Variants in SLC4A10 observed in about 807,000 individuals in gnomAD.
SLC4A10 encodes solute carrier family 4 member 10, also known as sodium-driven chloride bicarbonate exchanger.
Under a neutral mutation model 137.7 loss-of-function variants are expected in SLC4A10, and 42 were observed. The observed-to-expected ratio is 0.30, with a 90% CI of 0.24 to 0.39. The LOEUF (loss-of-function observed/expected upper bound fraction) is 0.39. Ranked by LOEUF, SLC4A10 falls within the 10% of genes least tolerant of loss-of-function variation. The pLI is 1.00. For missense variants in SLC4A10, 925 were observed against 1,355.0 expected (o/e 0.68, Z 4.98); for synonymous variants, 474 against 464.1 (o/e 1.02, Z -0.27).
At chr2:161,884,014 T>C (rs1307895049) in intron 10 of SLC4A10, among the ~76,000 whole-genome samples, 1 of 152,156 alleles carries the variant, frequency 6.6e-6, no homozygotes, top group East Asian at 1.9e-4. Flanking sequence ...CAATCCACTG[T>C]AATGAATAAC....
chr2:161,904,632 T>A (rs1370466343), intron 13 of SLC4A10, 144 bp from the exon 14 acceptor site: 2 of 910,852 alleles, frequency 2.2e-6, no homozygotes, highest in Non-Finnish European at 3.3e-6. Flanking sequence ...TTAGTCATCC[T>A]TCTACCCCAC....
chr2:161,710,802 A>G (rs949227457), intron 1 of SLC4A10: 5 of 441,608 alleles, frequency 1.1e-5, no homozygotes, highest in South Asian at 8.1e-5. Context: ...CAGTAAACAT[A>G]GTAAAGGCTG....
chr2:161,689,694 T>A (rs1259027702), intron 1 of SLC4A10, among the ~76,000 whole-genome samples: 2 of 152,208 alleles, frequency 1.3e-5, no homozygotes, highest in Non-Finnish European at 2.9e-5. Context: ...AAATAAGATC[T>A]TTCCAGATGT....
intron 1 of SLC4A10, among the ~76,000 whole-genome samples, chr2:161,716,314 G>T (rs2044870727): frequency 6.6e-6 from 1 of 151,900 alleles, no homozygotes. Flanking sequence ...CTTTTGCTGT[G>T]CAGAAGTTCT....
chr2:161,773,244 C>A (rs933420916), intron 2 of SLC4A10, among the ~76,000 whole-genome samples: 4 of 151,856 alleles, frequency 2.6e-5, no homozygotes, highest in South Asian at 2.1e-4. Context: ...CAGTCTCAAG[C>A]CTTTTGATAA....
chr2:161,919,420 T>TCACCCATGGC (rs1332232014), intron 15 of SLC4A10, among the ~76,000 whole-genome samples: 4 of 152,030 alleles, frequency 2.6e-5, no homozygotes, highest in African/African-American at 9.7e-5. Flanking sequence ...CTTTTGCTGC[T>TCACCCATGGC]CACCCATGGC....
intron 2 of SLC4A10, 77 bp downstream of exon 2, chr2:161,771,131 T>C (rs577456873): frequency 5.0e-5 from 53 of 1,062,314 alleles, no homozygotes; most frequent in Middle Eastern, 4.1e-4. Context: ...TTTGTCACAT[T>C]GTGAAGAATT....
chr2:161,655,989 T>G (rs913492277), intron 1 of SLC4A10, among the ~76,000 whole-genome samples: 2 of 151,860 alleles, frequency 1.3e-5, no homozygotes, highest in Admixed American at 6.6e-5. Context: ...AATTTTTGTA[T>G]TTTTAGTAGA....
intron 4 of SLC4A10, among the ~76,000 whole-genome samples, chr2:161,845,620 T>C (rs1369525330): frequency 2.0e-5 from 3 of 152,244 alleles, no homozygotes; most frequent in Admixed American, 6.5e-5. Flanking sequence ...TTTTTTAAAA[T>C]GTCATTTCAG....
intron 3 of SLC4A10, among the ~76,000 whole-genome samples, chr2:161,813,794 C>T (rs2056784849): frequency 6.6e-6 from 1 of 151,992 alleles, no homozygotes; most frequent in Non-Finnish European, 1.5e-5. Context: ...TTTATTTTTC[C>T]CTAACTGGAG....
At chr2:161,965,197 T>G in intron 23 of SLC4A10, 24 bp downstream of exon 23, 3 of 1,579,810 alleles carry the variant, frequency 1.9e-6, no homozygotes, top group Non-Finnish European at 2.6e-6. Context: ...CAATGTTTTA[T>G]AAAGAAAGAA....
In SLC4A10 at chr2:161,932,085, C is replaced by T. The variant is rs569023101; in HGVS notation, c.1998-10707C>T. Among the ~76,000 whole-genome samples the T allele has an allele frequency of 2.0e-5, 3 of 152,204 alleles. No homozygotes were observed. In the East Asian group the frequency reaches 5.8e-4, roughly 29 times the overall value. ...AGTATGAAAATGTTTTCCCATCAAA[C>T]TCTTATGGTGTTGGGCCTTTTTTTT... On this transcript the variant is annotated intron_variant, in intron 15 of 26. Coordinates refer to ENST00000446997, the MANE Select transcript of SLC4A10 (RefSeq NM_001178015.2).
chr2:161,679,167 T>C (rs2040577133), intron 1 of SLC4A10, among the ~76,000 whole-genome samples: 1 of 152,142 alleles, frequency 6.6e-6, no homozygotes. Flanking sequence ...GTGACATGGA[T>C]ATTTTATGTA....
chr2:161,832,923 G>A (rs1390697095), intron 3 of SLC4A10, among the ~76,000 whole-genome samples: 1 of 152,116 alleles, frequency 6.6e-6, no homozygotes, highest in Non-Finnish European at 1.5e-5. Flanking sequence ...TGTATTTTTA[G>A]TAGAGACGGG....
At chr2:161,799,062 G>T (rs1365374193) in intron 2 of SLC4A10, among the ~76,000 whole-genome samples, 3 of 151,286 alleles carry the variant, frequency 2.0e-5, no homozygotes, top group Non-Finnish European at 3.0e-5. Context: ...ACTGTTCCAT[G>T]CTCACTAATG....
chr2:161,809,357 T>A (rs2056320940), intron 3 of SLC4A10, among the ~76,000 whole-genome samples: 1 of 152,164 alleles, frequency 6.6e-6, no homozygotes, highest in South Asian at 2.1e-4. Flanking sequence ...TGAGATTTGC[T>A]GTGCAGAGGC....
intron 1 of SLC4A10, among the ~76,000 whole-genome samples, chr2:161,723,093 C>A (rs2045863206): frequency 6.6e-6 from 1 of 152,180 alleles, no homozygotes; most frequent in African/African-American, 2.4e-5. Context: ...TCGTCTTAGG[C>A]ACTCTCCAGC....
chr2:161,932,605 T>C (rs1690609452), intron 15 of SLC4A10, among the ~76,000 whole-genome samples: 2 of 152,142 alleles, frequency 1.3e-5, no homozygotes, highest in African/African-American at 4.8e-5. Context: ...GATCAGATCA[T>C]GGAGGAACAT....
chr2:161,787,350 A>AT (rs2053742417), intron 2 of SLC4A10, among the ~76,000 whole-genome samples: 1 of 151,862 alleles, frequency 6.6e-6, no homozygotes, highest in African/African-American at 2.4e-5. Flanking sequence ...TCTCTTTAAG[A>AT]TTTTTTCTTT....
Sources: allele counts gnomAD v4.1 joint callset (sites outside exome capture counted in the v4.1 genomes callset), GRCh38; gene constraint gnomAD v4.1.1; transcripts MANE v1.5; gene names NCBI Gene and HGNC (gene_info 2026-07-23, HGNC 2026-07-21).